AP5Z1: variants seen among roughly 807,000 people sequenced by gnomAD.
AP5Z1 encodes AP-5 complex subunit zeta-1.
AP5Z1 carries 106 observed loss-of-function variants against 83.0 expected under a neutral mutation model. The observed-to-expected ratio is 1.28, with a 90% CI of 1.09 to 1.50. The LOEUF is 1.50. Ranked by LOEUF, AP5Z1 falls within the 40% of genes most tolerant of loss-of-function variation. The probability of loss-of-function intolerance (pLI) is 0.00; values close to 1 mark genes in which losing one functional copy is unlikely to be tolerated. For missense variants in AP5Z1, 1,565 were observed against 1,094.2 expected, an observed-to-expected ratio of 1.43 and a Z score of -6.07; for synonymous variants, 751 against 514.1, an observed-to-expected ratio of 1.46 and a Z score of -6.23.
rs747440727 is a variant in AP5Z1, at chr7:4,785,471, G to C, written c.969+19G>C. On this transcript the variant is annotated intron_variant, in intron 8 of 16. Transcript: ENST00000649063. ...GAAAGCTGTAAGTGGCTGGGGACCAGGGGATGGGAGGCAGCGACTCGGCCC... is the reference window on the plus strand; with the variant it reads ...GAAAGCTGTAAGTGGCTGGGGACCACGGGATGGGAGGCAGCGACTCGGCCC... The C allele has an allele frequency of 2.5e-6, 4 of 1,613,040 alleles. No individual in the cohort carries two copies. In the East Asian group the frequency reaches 8.9e-5, roughly 36 times the overall value.
At chr7:4,785,109 C>T (rs1583232595) in intron 7 of AP5Z1, 61 bp downstream of exon 7, 4 of 1,534,024 alleles carry the variant, frequency 2.6e-6, no homozygotes, top group South Asian at 1.3e-5. Flanking sequence ...TCTGCAAGGC[C>T]ACCTGAGGCC....
At chr7:4,787,108 C>T (rs116366894) in intron 10 of AP5Z1, among the ~76,000 whole-genome samples, 1,582 of 152,222 alleles carry the variant, frequency 0.01, 24 homozygotes, top group African/African-American at 0.036. Context: ...TTTGCAGCCT[C>T]GCCTCGCTGT....
rs533440524 is a variant in AP5Z1, at chr7:4,785,100, C to G, written c.931+52C>G. On this transcript the variant is annotated intron_variant, in intron 7 of 16. Coordinates refer to ENST00000649063, the MANE Select transcript of AP5Z1 (RefSeq NM_014855.3). ...CTCCCCAGGGCTCGACGCACCTGCT[C>G]TGCAAGGCCACCTGAGGCCAGCACA... 34 of 1,543,084 alleles carry G rather than the reference C, an allele frequency of 2.2e-5. 1 individual carries two copies. In the South Asian group the frequency reaches 4.1e-4, roughly 19 times the overall value.
chr7:4,786,980 C>T (rs1385317680), intron 10 of AP5Z1, among the ~76,000 whole-genome samples: 2 of 151,968 alleles, frequency 1.3e-5, no homozygotes, highest in Non-Finnish European at 2.9e-5. Context: ...ACATGTTGGC[C>T]AGGCTGGTCT....
At position 4,784,206 on chromosome 7, in the gene AP5Z1, G is replaced by A; in HGVS notation, c.625G>A (p.Gly209Ser). ...FFSTPRARQP[G>S]PVTEVDGAVA... is the part of the protein sequence containing the mutation. The stretch of plus-strand genomic sequence containing the variant: ...CTCCTGCCTGTCCTTCCCACAGCCG[G>A]GCCCCGTCACCGAGGTGGACGGGGC... The change falls in exon 6 of 17, where the codon GGC (glycine) becomes AGC (serine). Residue 209 changes from glycine (G) to serine (S), a missense_variant. Gly to Ser is a moderately conservative substitution (Grantham distance 56). Coordinates refer to ENST00000649063, the MANE Select transcript of AP5Z1 (RefSeq NM_014855.3). 1 of 1,582,296 alleles carries A rather than the reference G, an allele frequency of 6.3e-7. No individual in the cohort carries two copies. Among genetic ancestry groups the A allele is most frequent in the Non-Finnish European group, 8.6e-7 (1 of 1,166,690 alleles).
In AP5Z1 at chr7:4,785,564, C is replaced by A. The variant is rs747820001; in HGVS notation, c.1012C>A (p.Gln338Lys). 3 of 1,610,398 alleles carry A rather than the reference C, an allele frequency of 1.9e-6. No individual in the cohort carries two copies. In the Admixed American group the frequency reaches 5.0e-5, roughly 27 times the overall value. The change falls in exon 9 of 17, where the codon CAG becomes AAG. Residue 338 changes from glutamine (Q) to lysine (K), a missense_variant. Coordinates refer to ENST00000649063, the MANE Select transcript of AP5Z1 (RefSeq NM_014855.3). ...GCTGGTGCTGGACGTGCTGTGCCGG[C>A]AGGACCCGTCCTTCCTGTACCGAAG... ...AVLVLDVLCR[Q>K]DPSFLYRSLS...
intron 1 of AP5Z1, among the ~76,000 whole-genome samples, chr7:4,779,385 CATG>C (rs1028830510): frequency 9.1e-4 from 133 of 145,530 alleles, no homozygotes; most frequent in Non-Finnish European, 1.5e-3. Context: ...TGTCATATAA[CATG>C]ATTATTATAT....
chr7:4,787,438 A>C (rs1282513549), intron 10 of AP5Z1, among the ~76,000 whole-genome samples, 196 bp from the exon 11 acceptor site: 1 of 152,064 alleles, frequency 6.6e-6, no homozygotes, highest in Non-Finnish European at 1.5e-5. Context: ...GTGAGCTATG[A>C]TTGCACCACT....
intron 6 of AP5Z1, among the ~76,000 whole-genome samples, 191 bp downstream of exon 6, chr7:4,784,562 T>C (rs1414823605): frequency 6.6e-6 from 1 of 152,044 alleles, no homozygotes; most frequent in African/African-American, 2.4e-5. Flanking sequence ...ATCTTTGGGG[T>C]CCAGGGTCAG....
At chr7:4,776,677 GTGAGC>G (rs2115094559) in intron 1 of AP5Z1, among the ~76,000 whole-genome samples, 1 of 152,158 alleles carries the variant, frequency 6.6e-6, no homozygotes, top group African/African-American at 2.4e-5. Flanking sequence ...GGAGGTTACA[GTGAGC>G]TGAGATGGCG....
In AP5Z1 at chr7:4,786,332, G is replaced by A. The variant is rs1442588640; in HGVS notation, c.1215G>A (p.Met405Ile). The change falls in exon 10 of 17, where the codon ATG becomes ATA. Residue 405 changes from methionine (M) to isoleucine (I), a missense_variant. Met to Ile is a conservative substitution (Grantham distance 10, BLOSUM62 1). Transcript: ENST00000649063. ...CGGTGGAGCAGTTCCACAGCCCCAT[G>A]CTGGCCTTTGAATTCATCCAGTTCT... ...RIPVEQFHSPMLAFEFIQFCR... is the reference protein window; with the variant it reads ...RIPVEQFHSPILAFEFIQFCR... The A allele has an allele frequency of 1.9e-6, 3 of 1,613,830 alleles. No homozygotes were observed. Among genetic ancestry groups the A allele is most frequent in the Admixed American group, 3.3e-5 (2 of 60,006 alleles).
At position 4,787,889 on chromosome 7, in the gene AP5Z1, C is replaced by CT. The variant is rs960903119; in HGVS notation, c.1454+113_1454+114insT. ...CACCGGGGACCCTCCTTCTTCCCCC[C>CT]CCAACACCTGACCAGTCCTCCCCTG... On this transcript the variant is annotated intron_variant, in intron 11 of 16. Transcript: ENST00000649063. 9 of 1,328,150 alleles carry CT rather than the reference C, an allele frequency of 6.8e-6. No homozygotes were observed. In the African/African-American group the frequency reaches 1.3e-4, roughly 19 times the overall value. 82.3% of individuals were successfully genotyped at this position (1,328,150 alleles called of 1,614,324 possible).
intron 13 of AP5Z1, 71 bp from the exon 14 acceptor site, chr7:4,789,761 T>C (rs1259521881): frequency 3.1e-6 from 4 of 1,270,450 alleles, no homozygotes; most frequent in East Asian, 2.6e-5. Flanking sequence ...GCCCTCACCA[T>C]GGCTTCACCC....
chr7:4,782,075 CAG>C (rs1781398206), intron 3 of AP5Z1, among the ~76,000 whole-genome samples: 2 of 152,124 alleles, frequency 1.3e-5, no homozygotes, highest in Admixed American at 6.5e-5. Context: ...TTTTTAGAAA[CAG>C]GGTCTCACTC....
chr7:4,776,654 G>T (rs1292696382), intron 1 of AP5Z1, among the ~76,000 whole-genome samples: 3 of 151,904 alleles, frequency 2.0e-5, no homozygotes, highest in African/African-American at 7.3e-5. Flanking sequence ...AGGATTGCTT[G>T]AACCTGTGAG....
Position 4,790,601 on chromosome 7 carries a change from G to A in AP5Z1, c.1938+10G>A. 6.2e-7 allele frequency: 1 copy of A among 1,612,522 alleles called. No homozygotes were observed. Among genetic ancestry groups the A allele is most frequent in the Non-Finnish European group, 8.5e-7 (1 of 1,179,652 alleles). On this transcript the variant is annotated intron_variant, in intron 15 of 16. Transcript: ENST00000649063. ...CCTCGTCACCAGCGTGGTAAGGCGG[G>A]CGCTGGCCTCCCACAGCCGCTCCTG...
At position 4,789,854 on chromosome 7, in the gene AP5Z1, A is replaced by G. The variant is rs1477003524; in HGVS notation, c.1730A>G (p.Asn577Ser). 1 of 1,552,444 alleles carries G rather than the reference A, an allele frequency of 6.4e-7. No individual in the cohort carries two copies. The highest frequency in any genetic ancestry group is 2.4e-5 in the East Asian group (1 of 41,078). ...CAGGTGGCTGACGGGTCCCTGATCA[A>G]CCAGCTGGCGCTGCTGCTCCTGGGC... is the stretch of plus-strand genomic sequence containing the variant. ...VTQVADGSLINQLALLLLGRS... is the reference protein window; with the variant it reads ...VTQVADGSLISQLALLLLGRS... The change falls in exon 14 of 17, where the codon AAC (asparagine) becomes AGC (serine). Residue 577 changes from asparagine to serine, a missense_variant. Asn to Ser is a conservative substitution (Grantham distance 46). Coordinates refer to ENST00000649063, the MANE Select transcript of AP5Z1 (RefSeq NM_014855.3).
intron 1 of AP5Z1, among the ~76,000 whole-genome samples, chr7:4,778,455 A>T (rs6975325): frequency 0.22 from 33,034 of 152,016 alleles, 5,511 homozygotes; most frequent in African/African-American, 0.47. Context: ...TGGGGCATGT[A>T]TCAGGCACAG....
At chr7:4,785,720 C>T (rs1395913716) in intron 9 of AP5Z1, 36 bp downstream of exon 9, 8 of 1,413,906 alleles carry the variant, frequency 5.7e-6, no homozygotes, top group Non-Finnish European at 7.4e-6. Flanking sequence ...ACTCGGGGCT[C>T]TGCTTCTGCC....
Sources: gnomAD v4.1 joint callset for allele counts (sites outside exome capture counted in the v4.1 genomes callset) on GRCh38, gnomAD v4.1.1 for gene constraint, MANE v1.5 for transcripts, NCBI Gene and HGNC (gene_info 2026-07-23, HGNC 2026-07-21) for gene names.